Variants in GOLIM4 observed in about 807,000 individuals in gnomAD.
GOLIM4 encodes golgi integral membrane protein 4, also known as 130 kDa golgi-localized phosphoprotein.
GOLIM4 carries 71 observed loss-of-function variants against 107.4 expected under a neutral mutation model. That is an observed-to-expected ratio of 0.66 (90% CI 0.55 to 0.81). The LOEUF (loss-of-function observed/expected upper bound fraction) is 0.81, where lower values mean the gene tolerates loss of function less well. Ranked by LOEUF, GOLIM4 falls within the 30% of genes least tolerant of loss-of-function variation. The pLI is 0.00. For missense variants in GOLIM4, 830 were observed against 826.1 expected (o/e 1.00, Z -0.06); for synonymous variants, 327 against 294.8 (o/e 1.11, Z -1.12).
intron 1 of GOLIM4, among the ~76,000 whole-genome samples, chr3:168,060,652 A>G (rs955397796): frequency 6.6e-6 from 1 of 152,242 alleles, no homozygotes; most frequent in Non-Finnish European, 1.5e-5. Context: ...AACAAAATCA[A>G]AAATAATCCG....
rs914235925 is a variant in GOLIM4, at chr3:168,095,542, G to T, written c.-257C>A. The T allele has an allele frequency of 1.1e-5, 5 of 470,036 alleles. No individual in the cohort carries two copies. The highest frequency in any genetic ancestry group is 1.9e-5 in the Non-Finnish European group (5 of 266,072). 29.1% of individuals were successfully genotyped at this position (470,036 alleles called of 1,614,324 possible). A position where few individuals can be genotyped will look rare whatever the true frequency, so the allele number is the denominator to read the frequency against. On this transcript the variant is annotated 5_prime_UTR_variant, in exon 1 of 16. Coordinates refer to ENST00000470487, the MANE Select transcript of GOLIM4 (RefSeq NM_014498.5). ...CGTTCTCCGCGAATGCCCGGGGCCG[G>T]GAGGAGGCCCTCCGCATACTTCAGA...
intron 14 of GOLIM4, among the ~76,000 whole-genome samples, chr3:168,012,259 C>T (rs1273623603): frequency 7.3e-6 from 1 of 136,718 alleles, no homozygotes; most frequent in Non-Finnish European, 1.5e-5. Context: ...CCTCAGGAGC[C>T]GATGCAATCA....
Position 168,095,210 on chromosome 3 carries a change from A to C in GOLIM4, c.76T>G (p.Phe26Val). 6.2e-7 allele frequency: 1 copy of C among 1,613,776 alleles called. No individual in the cohort carries two copies. Among genetic ancestry groups the C allele is most frequent in the Non-Finnish European group, 8.5e-7 (1 of 1,179,996 alleles). ...TLLLLTVVFG[F>V]LYGAMLYYEL... is the part of the protein sequence containing the mutation. ...TAGTAGAGCATCGCGCCGTAGAGAA[A>C]GCCGAACACGACGGTCAGCAGCAGC... Residue 26 changes from phenylalanine to valine, a missense_variant, in exon 1 of 16, where the codon TTT (phenylalanine) becomes GTT (valine). Phe to Val is a conservative substitution (Grantham distance 50, BLOSUM62 -1). Transcript: ENST00000470487.
rs148777934 is a variant in GOLIM4, at chr3:168,085,332, C to T, written c.187+9767G>A. Among the ~76,000 whole-genome samples the T allele has an allele frequency of 7.9e-4, 120 of 152,294 alleles. 1 individual carries two copies. Among genetic ancestry groups the T allele is most frequent in the African/African-American group, 2.8e-3 (118 of 41,564 alleles). ...ACTATTTCATCAGATGACAGAACCT[C>T]CTAAGGGTTCCTCAGAGCCTCATAA... On this transcript the variant is annotated intron_variant, in intron 1 of 15. Coordinates refer to ENST00000470487, the MANE Select transcript of GOLIM4 (RefSeq NM_014498.5).
chr3:168,037,155 G>A (rs1718699957), intron 7 of GOLIM4, among the ~76,000 whole-genome samples, 161 bp from the exon 8 acceptor site: 1 of 152,140 alleles, frequency 6.6e-6, no homozygotes, highest in Non-Finnish European at 1.5e-5. Context: ...ACTTGGGCAT[G>A]CTTAATCATT....
chr3:168,055,708 A>C (rs981541660), intron 1 of GOLIM4, among the ~76,000 whole-genome samples: 1 of 151,540 alleles, frequency 6.6e-6, no homozygotes, highest in Non-Finnish European at 1.5e-5. Context: ...AGGCTGAGGC[A>C]GGAGAATGGT....
chr3:168,051,804 G>C (rs550892043), intron 1 of GOLIM4, among the ~76,000 whole-genome samples: 1 of 152,124 alleles, frequency 6.6e-6, no homozygotes, highest in Admixed American at 6.6e-5. Flanking sequence ...AGGAGGAGGA[G>C]GGTGAAAGAA....
intron 6 of GOLIM4, 33 bp downstream of exon 6, chr3:168,041,359 C>T (rs1387122066): frequency 2.4e-6 from 3 of 1,233,010 alleles, no homozygotes; most frequent in Admixed American, 3.4e-5. Flanking sequence ...AGCAGGCAAA[C>T]ACTAAATAGT....
chr3:168,011,212 G>A (rs75611123), intron 14 of GOLIM4, among the ~76,000 whole-genome samples: 2 of 149,594 alleles, frequency 1.3e-5, no homozygotes, highest in South Asian at 2.1e-4. Context: ...AAAGCAGGGC[G>A]AGGCATTGTC....
chr3:168,072,072 T>A (rs997198194), intron 1 of GOLIM4, among the ~76,000 whole-genome samples: 2 of 152,178 alleles, frequency 1.3e-5, no homozygotes, highest in Non-Finnish European at 2.9e-5. Flanking sequence ...GGTACCACTC[T>A]GTGGTGAAAC....
At position 168,043,549 on chromosome 3, in the gene GOLIM4, A is replaced by G; in HGVS notation, c.367-20T>C. 1 of 1,584,966 alleles carries G rather than the reference A, an allele frequency of 6.3e-7. No homozygotes were observed. The highest frequency in any genetic ancestry group is 8.6e-7 in the Non-Finnish European group (1 of 1,169,236). On this transcript the variant is annotated intron_variant, in intron 4 of 15. Coordinates refer to ENST00000470487, the MANE Select transcript of GOLIM4 (RefSeq NM_014498.5). ...TTGGCTCTGCAAAGATGAAAACTTG[A>G]GTAGAAATATACATTCTCTGAATTA...
chr3:168,012,945 G>A (rs1717141470), intron 14 of GOLIM4, among the ~76,000 whole-genome samples: 1 of 150,200 alleles, frequency 6.7e-6, no homozygotes, highest in Non-Finnish European at 1.5e-5. Context: ...ATGCCAAATT[G>A]TAAAGACCAT....
At chr3:168,068,837 ATTT>A (rs200437702) in intron 1 of GOLIM4, among the ~76,000 whole-genome samples, 1 of 146,132 alleles carries the variant, frequency 6.8e-6, no homozygotes, top group Admixed American at 6.9e-5. Flanking sequence ...ATTTTATTTT[ATTT>A]TTTTTTTTTT....
rs1364416746 is a variant in GOLIM4 at position 168,008,817 on chromosome 3, T to C, written c.*1452A>G. 6.6e-6 allele frequency: 1 copy of C among 152,094 alleles called. No individual in the cohort carries two copies. The highest frequency in any genetic ancestry group is 1.5e-5 in the Non-Finnish European group (1 of 67,982). The allele number at this position is 152,094 out of a possible 1,614,324, so 9.4% of individuals were successfully genotyped here. A position where few individuals can be genotyped will look rare whatever the true frequency, so the allele number is the denominator to read the frequency against. On this transcript the variant is annotated 3_prime_UTR_variant, in exon 16 of 16. Coordinates refer to ENST00000470487, the MANE Select transcript of GOLIM4 (RefSeq NM_014498.5). ...ATTGTATTCTGAATATTATGTACAA[T>C]ATTATACATTTTACATTACATAATG... is the stretch of plus-strand genomic sequence containing the variant.
At chr3:168,043,598 C>T in intron 4 of GOLIM4, 69 bp from the exon 5 acceptor site, 1 of 1,234,480 alleles carries the variant, frequency 8.1e-7, no homozygotes, top group Non-Finnish European at 1.1e-6. Context: ...TTCTTGACAG[C>T]ACAGTAAACA....
chr3:168,050,795 C>A (rs894756266), intron 1 of GOLIM4, among the ~76,000 whole-genome samples: 2 of 148,624 alleles, frequency 1.3e-5, no homozygotes, highest in South Asian at 2.1e-4. Context: ...CCAGTATAGG[C>A]GGAAACAATT....
intron 1 of GOLIM4, among the ~76,000 whole-genome samples, chr3:168,067,573 A>G (rs1720616010): frequency 6.6e-6 from 1 of 151,648 alleles, no homozygotes; most frequent in Non-Finnish European, 1.5e-5. Flanking sequence ...AATACATGAG[A>G]TAGAACGGCG....
At chr3:168,057,678 G>A (rs1469850551) in intron 1 of GOLIM4, among the ~76,000 whole-genome samples, 1 of 152,138 alleles carries the variant, frequency 6.6e-6, no homozygotes, top group Non-Finnish European at 1.5e-5. Context: ...ACAGAGCAAG[G>A]CATTCAATAG....
Position 168,024,517 on chromosome 3 carries a change from C to A in GOLIM4, c.1860+9G>T. On this transcript the variant is annotated intron_variant, in intron 14 of 15. Coordinates refer to ENST00000470487, the MANE Select transcript of GOLIM4 (RefSeq NM_014498.5). Reference sequence around the variant, plus strand: ...ATCTGATCAGTCTCTGGGATTCAATCCTTACTACCTCCTCTTCTGCCTCTT... The same window carrying A: ...ATCTGATCAGTCTCTGGGATTCAATACTTACTACCTCCTCTTCTGCCTCTT... 6.3e-7 allele frequency: 1 copy of A among 1,591,874 alleles called. No homozygotes were observed. The highest frequency in any genetic ancestry group is 8.6e-7 in the Non-Finnish European group (1 of 1,159,704).
Sources: allele counts gnomAD v4.1 joint callset (sites outside exome capture counted in the v4.1 genomes callset), GRCh38; gene constraint gnomAD v4.1.1; transcripts MANE v1.5; gene names NCBI Gene and HGNC (gene_info 2026-07-23, HGNC 2026-07-21).